The following CDR2 variants were observed in gnomAD, a reference collection of about 807,000 sequenced individuals.
CDR2 encodes the protein cerebellar degeneration-related protein 2.
Under a neutral mutation model 48.4 loss-of-function variants are expected in CDR2, and 34 were observed. The ratio of observed to expected loss-of-function variants is 0.70; its 90% CI spans 0.53 to 0.94. CDR2 has a LOEUF of 0.94. CDR2 is among the 40% of genes least tolerant of loss of function. CDR2 has a pLI of 0.00. For missense variants in CDR2, 498 were observed against 549.5 expected, an observed-to-expected ratio of 0.91 and a Z score of 0.94; for synonymous variants, 240 against 219.7, an observed-to-expected ratio of 1.09 and a Z score of -0.82.
intron 4 of CDR2, chr16:22,349,056 C>A: frequency 2.2e-6 from 1 of 459,776 alleles, no homozygotes; most frequent in East Asian, 3.8e-5. Context: ...TGATTTAATA[C>A]ATTAAAAACA....
chr16:22,363,138 C>T (rs2049021377), intron 2 of CDR2, among the ~76,000 whole-genome samples: 1 of 151,944 alleles, frequency 6.6e-6, no homozygotes. Flanking sequence ...GACAAAGTTT[C>T]ACCACATTGG....
intron 2 of CDR2, among the ~76,000 whole-genome samples, chr16:22,356,304 T>C (rs2048973475): frequency 6.6e-6 from 1 of 152,076 alleles, no homozygotes; most frequent in African/African-American, 2.4e-5. Context: ...ATTTCAAACA[T>C]AACCTCTTCA....
chr16:22,357,562 C>T lies in CDR2; in HGVS notation c.192+7340G>A, dbSNP rs539672626. The stretch of plus-strand genomic sequence containing the variant: ...TTTGGCTTTAGCCCTCTTGGGAAAA[C>T]AGCCTATTAACCATGAATTCTCTCC... On this transcript the variant is annotated intron_variant, in intron 2 of 4. Transcript: ENST00000268383. Among the ~76,000 whole-genome samples, 21 of 152,338 alleles carry T rather than the reference C, an allele frequency of 1.4e-4. 1 individual carries two copies. The highest frequency in any genetic ancestry group is 1.1e-3 in the Admixed American group (17 of 15,302).
At chr16:22,357,631 G>T (rs2048983953) in intron 2 of CDR2, among the ~76,000 whole-genome samples, 1 of 152,152 alleles carries the variant, frequency 6.6e-6, no homozygotes, top group Non-Finnish European at 1.5e-5. Flanking sequence ...TTATTCCCAT[G>T]GCAGCAATTG....
rs539223825 is a variant in CDR2, at chr16:22,349,852, G to C, written c.193-3C>G. The C allele has an allele frequency of 6.2e-7, 1 of 1,613,922 alleles. No homozygotes were observed. Among genetic ancestry groups the C allele is most frequent in the Non-Finnish European group, 8.5e-7 (1 of 1,179,846 alleles). On this transcript the variant is annotated splice_region_variant and splice_polypyrimidine_tract_variant and intron_variant, in intron 2 of 4. Transcript: ENST00000268383. ...AGTTCCACTTGCTTCGTCAGATACT[G>C]TAAGAGAAGATCAGGACCAGGTGAC...
At chr16:22,354,089 G>A (rs1302798761) in intron 2 of CDR2, among the ~76,000 whole-genome samples, 1 of 152,172 alleles carries the variant, frequency 6.6e-6, no homozygotes, top group Admixed American at 6.5e-5. Context: ...GATTCACCTG[G>A]AAGAAGATTT....
At chr16:22,348,696 G>A (rs559230637) in intron 4 of CDR2, among the ~76,000 whole-genome samples, 95 of 152,316 alleles carry the variant, frequency 6.2e-4, no homozygotes, top group Admixed American at 2.0e-3. Flanking sequence ...TACAGCCAAG[G>A]TTGAGACCCA....
Position 22,349,831 on chromosome 16 carries a change from C to G in CDR2, c.211G>C (p.Glu71Gln), listed in dbSNP as rs761037804. 6.2e-7 allele frequency: 1 copy of G among 1,614,122 alleles called. No homozygotes were observed. Among genetic ancestry groups the G allele is most frequent in the South Asian group, 1.1e-5 (1 of 91,078 alleles). The change falls in exon 3 of 5, where the codon GAA becomes CAA. Residue 71 changes from glutamate to glutamine, a missense_variant. Physicochemically the swap from Glu to Gln is conservative, Grantham distance 29. Transcript: ENST00000268383. ...TGTTCGTTCATCTGCCGTAGAAGTT[C>G]CACTTGCTTCGTCAGATACTGTAAG... ...QEIEYLTKQVELLRQMNEQHA... is the reference protein window; with the variant it reads ...QEIEYLTKQVQLLRQMNEQHA...
At chr16:22,373,663 C>T (rs562321755) in intron 1 of CDR2, among the ~76,000 whole-genome samples, 88 of 152,388 alleles carry the variant, frequency 5.8e-4, no homozygotes, top group African/African-American at 2.0e-3. Context: ...CACTGCGTGC[C>T]TGTATCCAAA....
In CDR2 at chr16:22,347,131, G is replaced by C; in HGVS notation, c.1199C>G (p.Ala400Gly). ...GACAGAGGCCAGTTCCCAGCCGCTG[G>C]CAACAGGCTCAGACTGGGCGTTCAC... is the stretch of plus-strand genomic sequence containing the variant. ...TGVNAQSEPV[A>G]SGWELASVNP... The change falls in exon 5 of 5, where the codon GCC becomes GGC. Residue 400 changes from alanine (A) to glycine (G), a missense_variant. Physicochemically the swap from Ala to Gly is moderately conservative, Grantham distance 60. Transcript: ENST00000268383. 6.2e-7 allele frequency: 1 copy of C among 1,614,240 alleles called. No homozygotes were observed. Among genetic ancestry groups the C allele is most frequent in the Non-Finnish European group, 8.5e-7 (1 of 1,180,026 alleles).
chr16:22,370,955 GT>G (rs1181500050), intron 1 of CDR2, among the ~76,000 whole-genome samples: 2 of 152,240 alleles, frequency 1.3e-5, no homozygotes, highest in Non-Finnish European at 1.5e-5. Flanking sequence ...GTTCACGCCT[GT>G]AATCCCAGCA....
In CDR2 at chr16:22,347,071, G is replaced by C; in HGVS notation, c.1259C>G (p.Pro420Arg). The C allele has an allele frequency of 6.2e-7, 1 of 1,614,238 alleles. No individual in the cohort carries two copies. Among genetic ancestry groups the C allele is most frequent in the Non-Finnish European group, 8.5e-7 (1 of 1,180,036 alleles). The change falls in exon 5 of 5, where the codon CCA (proline) becomes CGA (arginine). Residue 420 changes from proline (P) to arginine (R), a missense_variant. Coordinates refer to ENST00000268383, the MANE Select transcript of CDR2 (RefSeq NM_001802.2). Reference protein sequence around the residue: ...PEPVSSPTTPPEYKALFKEIF... With the variant: ...PEPVSSPTTPREYKALFKEIF... The stretch of plus-strand genomic sequence containing the variant: ...CTCCTTAAACAACGCTTTGTATTCT[G>C]GAGGTGTTGTAGGGGAACTCACGGG...
intron 1 of CDR2, among the ~76,000 whole-genome samples, chr16:22,373,338 C>T (rs993675869): frequency 1.3e-5 from 2 of 152,158 alleles, no homozygotes; most frequent in African/African-American, 4.8e-5. Flanking sequence ...GAGATAGATG[C>T]GCTCTTTCTT....
At chr16:22,352,201 G>A (rs577219225) in intron 2 of CDR2, among the ~76,000 whole-genome samples, 4 of 152,244 alleles carry the variant, frequency 2.6e-5, no homozygotes, top group African/African-American at 7.2e-5. Flanking sequence ...GCAGTGAACC[G>A]AGATCGTGCC....
At chr16:22,372,017 C>G (rs1329988351) in intron 1 of CDR2, among the ~76,000 whole-genome samples, 1 of 152,046 alleles carries the variant, frequency 6.6e-6, no homozygotes, top group Non-Finnish European at 1.5e-5. Context: ...ATTACAGGGG[C>G]CTGCCACCAC....
chr16:22,374,108 G>A (rs2049099722), intron 1 of CDR2, 123 bp downstream of exon 1: 5 of 597,688 alleles, frequency 8.4e-6, no homozygotes, highest in African/African-American at 2.0e-5. Flanking sequence ...GCCGCCAGGT[G>A]AGCCTGAGCC....
Position 22,347,231 on chromosome 16 carries a change from ACTT to A in CDR2, c.1096_1098del (p.Lys366del). 2 of 1,614,156 alleles carry A rather than the reference ACTT, an allele frequency of 1.2e-6. No individual in the cohort carries two copies. Among genetic ancestry groups the A allele is most frequent in the Non-Finnish European group, 1.7e-6 (2 of 1,180,008 alleles). Reference sequence around the variant, plus strand: ...GACAGGGAGTCCTGTTCCTCTTGGCACTTCTTCAGCAACTCTTCATACTTCACC... The same window carrying A: ...GACAGGGAGTCCTGTTCCTCTTGGCACTTCAGCAACTCTTCATACTTCACC... On this transcript the variant is annotated inframe_deletion, in exon 5 of 5. Transcript: ENST00000268383.
chr16:22,374,224 C>T lies in CDR2; in HGVS notation c.79+7G>A, dbSNP rs1187016560. 3 of 1,587,208 alleles carry T rather than the reference C, an allele frequency of 1.9e-6. No individual in the cohort carries two copies. The highest frequency in any genetic ancestry group is 4.7e-5 in the East Asian group (2 of 42,472). On this transcript the variant is annotated splice_region_variant and intron_variant, in intron 1 of 4. Transcript: ENST00000268383. ...GCCGCCCGCCCGCGGGGCGCCCCCG[C>T]CCTCACCTTGCTGGAGGTCCTGGTG...
intron 1 of CDR2, among the ~76,000 whole-genome samples, chr16:22,371,578 G>C (rs939584207): frequency 6.6e-6 from 1 of 152,216 alleles, no homozygotes; most frequent in African/African-American, 2.4e-5. Context: ...ATACATTTTT[G>C]AGAAATGAAC....
Sources: allele counts gnomAD v4.1 joint callset (sites outside exome capture counted in the v4.1 genomes callset), GRCh38; gene constraint gnomAD v4.1.1; transcripts MANE v1.5; gene names NCBI Gene and HGNC (gene_info 2026-07-23, HGNC 2026-07-21).